INSRR: variants seen among roughly 807,000 people sequenced by gnomAD.
The protein encoded by INSRR is insulin receptor related receptor, also known as insulin receptor-related protein.
Under a neutral mutation model 130.0 loss-of-function variants are expected in INSRR, and 114 were observed. The ratio of observed to expected loss-of-function variants is 0.88; its 90% CI spans 0.75 to 1.02. The LOEUF (loss-of-function observed/expected upper bound fraction) is 1.02. INSRR is among the 50% of genes least tolerant of loss of function. INSRR has a pLI of 0.00. For missense variants in INSRR, 1,657 were observed against 1,735.2 expected (o/e 0.95, Z 0.80); for synonymous variants, 674 against 705.2 (o/e 0.96, Z 0.70).
chr1:156,848,818 G>A, intron 7 of INSRR, 103 bp downstream of exon 7: 1 of 1,398,580 alleles, frequency 7.2e-7, no homozygotes, highest in Non-Finnish European at 9.6e-7. Flanking sequence ...GGCTTCCTGG[G>A]TCTTCATAGC....
In INSRR at chr1:156,854,126, A is replaced by C. The variant is rs924858073; in HGVS notation, c.263T>G (p.Val88Gly). 1.2e-6 allele frequency: 2 copies of C among 1,614,066 alleles called. No homozygotes were observed. The highest frequency in any genetic ancestry group is 2.7e-5 in the African/African-American group (2 of 74,956). ...GTCGCGCAGGCTCTCCAGTCCGTAG[A>C]CACGGAAGAGCAGCAGGTAGTCGGT... ...QVTDYLLLFR[V>G]YGLESLRDLF... The change falls in exon 2 of 22, where the codon GTC becomes GGC. Residue 88 changes from valine to glycine, a missense_variant. Val to Gly is a moderately radical substitution (Grantham distance 109, BLOSUM62 -3). Coordinates refer to ENST00000368195, the MANE Select transcript of INSRR (RefSeq NM_014215.3). This position sits in a 1 kb window ranked among gnomAD's most constrained non-coding sequence, Gnocchi z 4.2.
intron 5 of INSRR, 53 bp from the exon 6 acceptor site, chr1:156,849,513 G>GGGGGGCTGGGGGGGGC: frequency 2.1e-6 from 1 of 486,122 alleles, no homozygotes; most frequent in Non-Finnish European, 4.1e-6. Context: ...CAGGGGGTGG[G>GGGGGGCTGGGGGGGGC]AAAGGGGATG....
rs1655501260 is a variant in INSRR, at chr1:156,858,736, C to T, written c.-115G>A. 1.2e-6 allele frequency: 1 copy of T among 832,840 alleles called. No individual in the cohort carries two copies. The highest frequency in any genetic ancestry group is 2.5e-5 in the East Asian group (1 of 39,788). 51.6% of individuals were successfully genotyped at this position (832,840 alleles called of 1,614,324 possible). On this transcript the variant is annotated 5_prime_UTR_variant, in exon 1 of 22. Transcript: ENST00000368195. Reference sequence around the variant, plus strand: ...CAGGGTTCAGATAGGAGAGGGAGGGCAGGGGCAGAGAGACAAGGAATCCCA... The same window carrying T: ...CAGGGTTCAGATAGGAGAGGGAGGGTAGGGGCAGAGAGACAAGGAATCCCA...
intron 5 of INSRR, among the ~76,000 whole-genome samples, chr1:156,850,613 G>A (rs762069470): frequency 8.7e-5 from 12 of 137,542 alleles, no homozygotes; most frequent in Admixed American, 4.9e-4. Context: ...GGAGTGCAGT[G>A]GCACGATTTC....
In INSRR at chr1:156,854,802, A is replaced by G. The variant is rs1267017556; in HGVS notation, c.86-499T>C. Among the ~76,000 whole-genome samples the G allele has an allele frequency of 5.9e-5, 9 of 151,922 alleles. No homozygotes were observed. The highest frequency in any genetic ancestry group is 2.1e-4 in the South Asian group (1 of 4,790). ...TCCCCAGTTCCACCCTTGTCCCTCT[A>G]TGGGCCATTCTCCACTCTGCAGCCA... On this transcript the variant is annotated intron_variant, in intron 1 of 21. Coordinates refer to ENST00000368195, the MANE Select transcript of INSRR (RefSeq NM_014215.3). The surrounding 1 kb of genome is among the most constrained non-coding windows in gnomAD (Gnocchi z 4.2).
chr1:156,841,683 G>A lies in INSRR; in HGVS notation c.3509C>T (p.Thr1170Ile). ...GCCCCACCAGACATCCGAGTGGGTG[G>A]TGAAGATCCCATCTTTGAGGGACTC... The part of the protein sequence containing the change: ...APESLKDGIF[T>I]THSDVWSFGV... The change falls in exon 20 of 22, where the codon ACC becomes ATC. Residue 1170 changes from threonine (T) to isoleucine (I), a missense_variant. Transcript: ENST00000368195. 6.2e-7 allele frequency: 1 copy of A among 1,614,100 alleles called. No individual in the cohort carries two copies.
At chr1:156,858,497 G>C (rs766788352) in intron 1 of INSRR, 40 bp downstream of exon 1, 31 of 1,539,622 alleles carry the variant, frequency 2.0e-5, no homozygotes, top group Non-Finnish European at 2.4e-5. Flanking sequence ...AGCTGGCTGG[G>C]AGGGAGGTAG....
At chr1:156,855,380 T>C (rs191229541) in intron 1 of INSRR, among the ~76,000 whole-genome samples, 1 of 152,244 alleles carries the variant, frequency 6.6e-6, no homozygotes, top group Non-Finnish European at 1.5e-5. Context: ...ATTTTTTGCA[T>C]TTTTAGTAGA....
chr1:156,846,881 T>G, intron 7 of INSRR, 124 bp from the exon 8 acceptor site: 2 of 761,654 alleles, frequency 2.6e-6, no homozygotes, highest in Non-Finnish European at 4.4e-6. Flanking sequence ...AAGCCATGAC[T>G]CCAGCCACCT....
At chr1:156,841,568 T>A in intron 20 of INSRR, 40 bp from the exon 21 acceptor site, 1 of 1,612,824 alleles carries the variant, frequency 6.2e-7, no homozygotes, top group Non-Finnish European at 8.5e-7. Flanking sequence ...GCACCCTTCG[T>A]GCTACTCAGT....
Position 156,854,322 on chromosome 1 carries a change from C to T in INSRR, c.86-19G>A, listed in dbSNP as rs376234994. 80 of 1,590,806 alleles carry T rather than the reference C, an allele frequency of 5.0e-5. No individual in the cohort carries two copies. The highest frequency in any genetic ancestry group is 2.5e-4 in the African/African-American group (19 of 74,828). Reference sequence around the variant, plus strand: ...GGGCACACTGTGGGCATACACGGCACGCAGCATTGAGTACAGCCCAGGCCA... The same window carrying T: ...GGGCACACTGTGGGCATACACGGCATGCAGCATTGAGTACAGCCCAGGCCA... On this transcript the variant is annotated intron_variant, in intron 1 of 21. Transcript: ENST00000368195. The surrounding 1 kb of genome is among the most constrained non-coding windows in gnomAD (Gnocchi z 4.2).
chr1:156,851,583 G>T, intron 4 of INSRR, 63 bp downstream of exon 4: 1 of 1,611,266 alleles, frequency 6.2e-7, no homozygotes, highest in Non-Finnish European at 8.5e-7. Flanking sequence ...TCATTGTAAG[G>T]GTTGTGTCTG....
rs1308519502 is a variant in INSRR at position 156,853,836 on chromosome 1, C to G, written c.553G>C (p.Gly185Arg). The part of the protein sequence containing the change: ...ECADVCPGVL[G>R]AAGEPCAKTT... Reference sequence around the variant, plus strand: ...TTGGCACAGGGCTCACCAGCAGCACCCAGCACACCAGGGCACACGTCAGCA... The same window carrying G: ...TTGGCACAGGGCTCACCAGCAGCACGCAGCACACCAGGGCACACGTCAGCA... The change falls in exon 2 of 22, where the codon GGT (glycine) becomes CGT (arginine). Residue 185 changes from glycine to arginine, a missense_variant. By Grantham distance (125) the Gly-to-Arg change is moderately radical. Coordinates refer to ENST00000368195, the MANE Select transcript of INSRR (RefSeq NM_014215.3). 6.2e-7 allele frequency: 1 copy of G among 1,613,880 alleles called. No individual in the cohort carries two copies. Among genetic ancestry groups the G allele is most frequent in the Admixed American group, 1.7e-5 (1 of 60,028 alleles).
chr1:156,846,483 G>T (rs747954450), intron 8 of INSRR, 36 bp downstream of exon 8: 63 of 1,521,554 alleles, frequency 4.1e-5, no homozygotes, highest in Non-Finnish European at 2.0e-5. Context: ...ATGGATGCAG[G>T]CGTCTGACTG....
chr1:156,851,688 T>C lies in INSRR; in HGVS notation c.1042A>G (p.Thr348Ala), dbSNP rs1477090745. The change falls in exon 4 of 22, where the codon ACG becomes GCG. Residue 348 changes from threonine (T) to alanine (A), a missense_variant. Transcript: ENST00000368195. The stretch of plus-strand genomic sequence containing the variant: ...AGGATGAGGCTTCCCTCCACATGCG[T>C]GCAGCCCACAAGATCCTGTGCCGCC... ...IQAAQDLVGC[T>A]HVEGSLILNL... The C allele has an allele frequency of 1.4e-5, 23 of 1,614,174 alleles. No homozygotes were observed. Among genetic ancestry groups the C allele is most frequent in the Non-Finnish European group, 1.9e-5 (22 of 1,179,992 alleles).
chr1:156,858,888 A>G lies in INSRR; in HGVS notation c.-267T>C. On this transcript the variant is annotated 5_prime_UTR_variant, in exon 1 of 22. Transcript: ENST00000368195. ...GATGGGGACAGAGATGCAGACAGTG[A>G]CAGGGAGAGTCTCGGGCCTCCAGAG... 2.0e-6 allele frequency: 1 copy of G among 497,006 alleles called. No homozygotes were observed. Among genetic ancestry groups the G allele is most frequent in the Non-Finnish European group, 3.6e-6 (1 of 274,678 alleles). 30.8% of individuals were successfully genotyped at this position (497,006 alleles called of 1,614,324 possible). A position where few individuals can be genotyped will look rare whatever the true frequency, so the allele number is the denominator to read the frequency against.
chr1:156,852,206 GTGTGTTAGACGTTGGCCA>G lies in INSRR; in HGVS notation c.638-33_638-16del. On this transcript the variant is annotated splice_polypyrimidine_tract_variant and intron_variant, in intron 2 of 21. Coordinates refer to ENST00000368195, the MANE Select transcript of INSRR (RefSeq NM_014215.3). Reference sequence around the variant, plus strand: ...GCAGGGGCACACTGTGGGGAGAGTGGTGTGTTAGACGTTGGCCATGCCCCCTCAGTCCTGGCTGTCCTT... The same window carrying G: ...GCAGGGGCACACTGTGGGGAGAGTGGTGCCCCCTCAGTCCTGGCTGTCCTT... The G allele has an allele frequency of 6.3e-7, 1 of 1,575,018 alleles. No homozygotes were observed. Among genetic ancestry groups the G allele is most frequent in the Non-Finnish European group, 8.6e-7 (1 of 1,157,602 alleles).
In INSRR at chr1:156,846,514, C is replaced by CA. The variant is rs1655014501; in HGVS notation, c.1810+4_1810+5insT. ...GACTGACTCTTGCACCCTCCAAATG[C>CA]CTACCTGCAGGCAGCGTTCGGAGGT... On this transcript the variant is annotated splice_donor_region_variant and intron_variant, in intron 8 of 21. Transcript: ENST00000368195. 6.2e-7 allele frequency: 1 copy of CA among 1,610,630 alleles called. No individual in the cohort carries two copies. Among genetic ancestry groups the CA allele is most frequent in the Non-Finnish European group, 8.5e-7 (1 of 1,177,160 alleles).
intron 21 of INSRR, 84 bp downstream of exon 21, chr1:156,841,310 G>A (rs746031479): frequency 4.9e-5 from 65 of 1,335,368 alleles, no homozygotes; most frequent in Admixed American, 6.8e-5. Flanking sequence ...AAGCATCAGA[G>A]GAGGTGAGCC....
Sources: allele counts gnomAD v4.1 joint callset (sites outside exome capture counted in the v4.1 genomes callset), GRCh38; gene constraint gnomAD v4.1.1; non-coding constraint Gnocchi (gnomAD v3.1); transcripts MANE v1.5; gene names NCBI Gene and HGNC (gene_info 2026-07-23, HGNC 2026-07-21).